The following IPO9 variants were observed in gnomAD, a reference collection of about 807,000 sequenced individuals.
IPO9 encodes importin-9.
In IPO9, 28 loss-of-function variants were observed where a neutral mutation model predicts 128.6. The observed-to-expected ratio is 0.22, with a 90% confidence interval of 0.16 to 0.30. IPO9 has a LOEUF of 0.30. Ranked by LOEUF, IPO9 falls within the 10% of genes least tolerant of loss-of-function variation. IPO9 has a pLI of 1.00. For missense variants in IPO9, 935 were observed against 1,293.9 expected, an observed-to-expected ratio of 0.72 and a Z score of 4.26; for synonymous variants, 455 against 475.8, an observed-to-expected ratio of 0.96 and a Z score of 0.57.
At chr1:201,834,867 C>G (rs983466381) in intron 1 of IPO9, 1 of 152,226 alleles carries the variant, frequency 6.6e-6, no homozygotes, top group Non-Finnish European at 1.5e-5. Flanking sequence ...GTATTGATTT[C>G]CCCATCTTAG....
At chr1:201,865,199 CTTTTTT>C (rs201084995) in intron 14 of IPO9, among the ~76,000 whole-genome samples, 2 of 132,852 alleles carry the variant, frequency 1.5e-5, no homozygotes, top group African/African-American at 2.8e-5. Context: ...AACTATTTTT[CTTTTTT>C]TTTTTTTTTT....
At chr1:201,831,891 G>T (rs1290947369) in intron 1 of IPO9, among the ~76,000 whole-genome samples, 5 of 148,978 alleles carry the variant, frequency 3.4e-5, no homozygotes. Flanking sequence ...TGCTTTTGTT[G>T]TTGTTGTTGT....
intron 16 of IPO9, among the ~76,000 whole-genome samples, chr1:201,869,304 A>G (rs1680608887): frequency 6.6e-6 from 1 of 152,200 alleles, no homozygotes; most frequent in Non-Finnish European, 1.5e-5. Flanking sequence ...CCCTCAGTGA[A>G]TTGAACAGAG....
chr1:201,835,466 G>A (rs1452351050), intron 1 of IPO9, among the ~76,000 whole-genome samples: 3 of 152,336 alleles, frequency 2.0e-5, no homozygotes, highest in East Asian at 3.9e-4. Flanking sequence ...GAAGTCAAAG[G>A]ATGCCATTTT....
chr1:201,882,407 G>C lies in IPO9; in HGVS notation c.*6353G>C, dbSNP rs894387538. On this transcript the variant is annotated 3_prime_UTR_variant, in exon 24 of 24. Coordinates refer to ENST00000361565, the MANE Select transcript of IPO9 (RefSeq NM_018085.5). ...AGATCATGCCACTACACTCCAGCCT[G>C]GGCGACAGAGCGACACTCTGCCTCA... 2.8e-5 allele frequency: 4 copies of C among 141,228 alleles called. No homozygotes were observed. Among genetic ancestry groups the C allele is most frequent in the Non-Finnish European group, 6.0e-5 (4 of 66,518 alleles). 8.7% of individuals were successfully genotyped at this position (141,228 alleles called of 1,614,324 possible). A position where few individuals can be genotyped will look rare whatever the true frequency, so the allele number is the denominator to read the frequency against.
chr1:201,834,776 A>G (rs977096324), intron 1 of IPO9, among the ~76,000 whole-genome samples: 2 of 152,034 alleles, frequency 1.3e-5, no homozygotes, highest in Non-Finnish European at 2.9e-5. Context: ...CTTCCCTTCT[A>G]CCACCATTAT....
At chr1:201,859,679 G>T (rs965852576) in intron 13 of IPO9, among the ~76,000 whole-genome samples, 7 of 152,092 alleles carry the variant, frequency 4.6e-5, no homozygotes, top group African/African-American at 1.7e-4. Context: ...AAAAAAGTAG[G>T]CCAGGCGCGA....
chr1:201,848,373 TG>T lies in IPO9; in HGVS notation c.313-18del. Reference sequence around the variant, plus strand: ...ACTTTTAACCTGATCTAATAGCAGGTGGACTTTTATCCCTTACAGGCAAAAA... The same window carrying T: ...ACTTTTAACCTGATCTAATAGCAGGTGACTTTTATCCCTTACAGGCAAAAA... On this transcript the variant is annotated intron_variant, in intron 3 of 23. Coordinates refer to ENST00000361565, the MANE Select transcript of IPO9 (RefSeq NM_018085.5). 1 of 1,608,656 alleles carries T rather than the reference TG, an allele frequency of 6.2e-7. No homozygotes were observed. Among genetic ancestry groups the T allele is most frequent in the Non-Finnish European group, 8.5e-7 (1 of 1,175,016 alleles).
intron 1 of IPO9, among the ~76,000 whole-genome samples, chr1:201,844,548 A>G (rs1680092716): frequency 6.6e-6 from 1 of 152,206 alleles, no homozygotes; most frequent in Admixed American, 6.5e-5. Flanking sequence ...AGTTTAGTTA[A>G]TAGTATTATA....
At chr1:201,851,499 C>A (rs1571545305) in intron 4 of IPO9, among the ~76,000 whole-genome samples, 1 of 151,016 alleles carries the variant, frequency 6.6e-6, no homozygotes. Context: ...AAAGATACGA[C>A]CCATATTTCC....
Position 201,850,778 on chromosome 1 carries a change from C to A in IPO9, c.515-1326C>A, listed in dbSNP as rs530886189. ...TATCATATTTGTTTGGACTAATTTC[C>A]TTGAATTTCTAAATAAAATAGAACA... On this transcript the variant is annotated intron_variant, in intron 4 of 23. Coordinates refer to ENST00000361565, the MANE Select transcript of IPO9 (RefSeq NM_018085.5). 5 of 152,210 alleles carry A rather than the reference C, an allele frequency of 3.3e-5. No homozygotes were observed. The East Asian group carries it at 9.6e-4, about 29-fold the overall frequency. 9.4% of individuals were successfully genotyped at this position (152,210 alleles called of 1,614,324 possible).
rs1049233470 is a variant in IPO9, at chr1:201,863,600, A to G, written c.1621A>G (p.Ile541Val). The change falls in exon 14 of 24, where the codon ATC (isoleucine) becomes GTC (valine). Residue 541 changes from isoleucine to valine, a missense_variant. Around this residue, in one of 3 missense-constraint regions of IPO9, gnomAD observed 741 missense variants for 1,019.1 expected, o/e 0.73. Coordinates refer to ENST00000361565, the MANE Select transcript of IPO9 (RefSeq NM_018085.5). ...AGTTCGAATTTCTGCAGTGAGAGCCATCTGGGGGTGAGTATGCTACCCTAG... is the reference window on the plus strand; with the variant it reads ...AGTTCGAATTTCTGCAGTGAGAGCCGTCTGGGGGTGAGTATGCTACCCTAG... ...PSVRISAVRA[I>V]WGYCDQLKVS... 1 of 1,585,894 alleles carries G rather than the reference A, an allele frequency of 6.3e-7. No individual in the cohort carries two copies. The highest frequency in any genetic ancestry group is 8.6e-7 in the Non-Finnish European group (1 of 1,157,276).
chr1:201,869,312 G>C (rs932064156), intron 16 of IPO9, among the ~76,000 whole-genome samples: 1 of 152,180 alleles, frequency 6.6e-6, no homozygotes, highest in East Asian at 1.9e-4. Context: ...GAATTGAACA[G>C]AGTGCCACCT....
In IPO9 at chr1:201,855,924, C is replaced by G; in HGVS notation, c.1112C>G (p.Thr371Ser). 6.3e-7 allele frequency: 1 copy of G among 1,583,132 alleles called. No homozygotes were observed. The highest frequency in any genetic ancestry group is 8.5e-7 in the Non-Finnish European group (1 of 1,171,090). The change falls in exon 10 of 24, where the codon ACT (threonine) becomes AGT (serine). Residue 371 changes from threonine to serine, a missense_variant. This residue lies in a region of IPO9 where 741 missense variants were observed against 1,019.1 expected (regional missense o/e 0.73). Coordinates refer to ENST00000361565, the MANE Select transcript of IPO9 (RefSeq NM_018085.5). ...TATATTATCCTGTACATGCAAATCA[C>G]TGAGGAGCAGGTAAATAATATTTGA... ...IYYIILYMQI[T>S]EEQIKVWTAN...
chr1:201,841,497 T>A (rs1456738541), intron 1 of IPO9, among the ~76,000 whole-genome samples: 4 of 152,158 alleles, frequency 2.6e-5, no homozygotes, highest in Non-Finnish European at 5.9e-5. Flanking sequence ...TATGGTTAGG[T>A]ATACTGTACT....
intron 1 of IPO9, among the ~76,000 whole-genome samples, chr1:201,846,876 C>G (rs1680132648): frequency 6.6e-6 from 1 of 152,130 alleles, no homozygotes; most frequent in Admixed American, 6.5e-5. Flanking sequence ...ACCATGTTGG[C>G]CAAGGTGATC....
chr1:201,876,366 CAGA>C lies in IPO9; in HGVS notation c.*315_*317del, dbSNP rs1242571183. Reference sequence around the variant, plus strand: ...TGGCGAGTCCAGAAACATTATTGCCCAGAAGGATTATGTGTTTATGGATTATTT... The same window carrying C: ...TGGCGAGTCCAGAAACATTATTGCCCAGGATTATGTGTTTATGGATTATTT... On this transcript the variant is annotated 3_prime_UTR_variant, in exon 24 of 24. Coordinates refer to ENST00000361565, the MANE Select transcript of IPO9 (RefSeq NM_018085.5). 3.4e-5 allele frequency: 16 copies of C among 467,526 alleles called. No individual in the cohort carries two copies. The highest frequency in any genetic ancestry group is 5.6e-5 in the Non-Finnish European group (14 of 251,876). 29.0% of individuals were successfully genotyped at this position (467,526 alleles called of 1,614,324 possible). A position where few individuals can be genotyped will look rare whatever the true frequency, so the allele number is the denominator to read the frequency against.
At chr1:201,838,115 G>A (rs1679973436) in intron 1 of IPO9, among the ~76,000 whole-genome samples, 1 of 152,146 alleles carries the variant, frequency 6.6e-6, no homozygotes, top group African/African-American at 2.4e-5. Context: ...GATAATTTGT[G>A]AATGTGCTTG....
intron 1 of IPO9, among the ~76,000 whole-genome samples, chr1:201,842,031 A>G (rs772509518): frequency 6.6e-6 from 1 of 152,082 alleles, no homozygotes; most frequent in Admixed American, 6.6e-5. Context: ...CTCCAATTCA[A>G]TTCCAACCTG....
Sources: gnomAD v4.1 joint callset for allele counts (sites outside exome capture counted in the v4.1 genomes callset) on GRCh38, gnomAD v4.1.1 for gene constraint, gnomAD v4.1.1 regional missense constraint, MANE v1.5 for transcripts, NCBI Gene and HGNC (gene_info 2026-07-23, HGNC 2026-07-21) for gene names.